Variants in ABCA13 observed in about 807,000 individuals in gnomAD.
ABCA13 encodes the protein ATP binding cassette subfamily A member 13, also known as ATP-binding cassette sub-family A member 13.
Under a neutral mutation model 478.7 loss-of-function variants are expected in ABCA13, and 476 were observed. That is an observed-to-expected ratio of 0.99 (90% CI 0.92 to 1.07). The LOEUF is 1.07. ABCA13 is among the 50% of genes least tolerant of loss of function. The probability of loss-of-function intolerance (pLI) is 0.00; values close to 1 mark genes in which losing one functional copy is unlikely to be tolerated. For synonymous variants in ABCA13, 2,252 were observed against 2,158.9 expected, an observed-to-expected ratio of 1.04 and a Z score of -1.20; for missense variants, 6,060 against 5,910.6, an observed-to-expected ratio of 1.03 and a Z score of -0.83.
chr7:48,227,469 T>TTTTTACC, intron 6 of ABCA13, 44 bp downstream of exon 6: 5 of 1,583,676 alleles, frequency 3.2e-6, no homozygotes, highest in Non-Finnish European at 3.4e-6. Flanking sequence ...ATATGTTGTT[T>TTTTTACC]TTTTACCTTA....
intron 48 of ABCA13, among the ~76,000 whole-genome samples, chr7:48,492,980 C>T (rs941808090): frequency 1.1e-4 from 17 of 152,084 alleles, no homozygotes; most frequent in African/African-American, 3.4e-4. Context: ...GAGCTAATAT[C>T]ACTGCACTCC....
At chr7:48,573,929 T>C (rs1787917556) in intron 55 of ABCA13, among the ~76,000 whole-genome samples, 4 of 152,098 alleles carry the variant, frequency 2.6e-5, no homozygotes, top group Admixed American at 2.0e-4. Flanking sequence ...TCTCTGTGTG[T>C]TTATATAGTC....
chr7:48,182,966 C>T (rs1418737217), intron 1 of ABCA13, among the ~76,000 whole-genome samples: 16 of 152,158 alleles, frequency 1.1e-4, no homozygotes, highest in African/African-American at 3.6e-4. Flanking sequence ...GGGAAAGTCC[C>T]CTCTTTTGAG....
At chr7:48,381,546 G>A (rs924411586) in intron 35 of ABCA13, among the ~76,000 whole-genome samples, 2 of 151,970 alleles carry the variant, frequency 1.3e-5, no homozygotes, top group African/African-American at 2.4e-5. Context: ...CCTGGCCTGC[G>A]GGGCTCAGCG....
intron 45 of ABCA13, among the ~76,000 whole-genome samples, chr7:48,475,614 C>A (rs770956748): frequency 1.3e-5 from 2 of 151,694 alleles, no homozygotes; most frequent in Non-Finnish European, 2.9e-5. Flanking sequence ...TACAGGCATG[C>A]GCCACTGTGC....
chr7:48,488,897 A>G (rs775407956), intron 47 of ABCA13, among the ~76,000 whole-genome samples: 1 of 152,148 alleles, frequency 6.6e-6, no homozygotes, highest in Non-Finnish European at 1.5e-5. Context: ...TTTAATTTGC[A>G]GGTCAAATTT....
In ABCA13 at chr7:48,433,866, G is replaced by A. The variant is rs189928441; in HGVS notation, c.12565+5995G>A. 8.2e-4 allele frequency among the ~76,000 whole-genome samples: 124 copies of A among 152,070 alleles called. 1 individual carries two copies. Among genetic ancestry groups the A allele is most frequent in the African/African-American group, 2.8e-3 (115 of 41,488 alleles). On this transcript the variant is annotated intron_variant, in intron 42 of 61. Coordinates refer to ENST00000435803, the MANE Select transcript of ABCA13 (RefSeq NM_152701.5). ...TGACAGAAATTCATTCTTTTATAAGGCTGAATAATATTCCATTATATGTAT... is the reference window on the plus strand; with the variant it reads ...TGACAGAAATTCATTCTTTTATAAGACTGAATAATATTCCATTATATGTAT...
chr7:48,228,540 A>C (rs1014586770), intron 6 of ABCA13, among the ~76,000 whole-genome samples: 2 of 152,142 alleles, frequency 1.3e-5, no homozygotes, highest in African/African-American at 4.8e-5. Flanking sequence ...ACCTATGTGC[A>C]CTGAGGCCCC....
Position 48,198,270 on chromosome 7 carries a change from G to A in ABCA13, c.197G>A (p.Gly66Asp), listed in dbSNP as rs74790141. ...CAGCCCCGAGATCTACCCAGCTGTG[G>A]TGTTATCCCCTTTGTTCAAAGCCTT... ...YLQPRDLPSC[G>D]VIPFVQSLLC... Residue 66 changes from glycine to aspartate, a missense_variant, in exon 3 of 62, where the codon GGT becomes GAT. Physicochemically the swap from Gly to Asp is moderately conservative, Grantham distance 94. Transcript: ENST00000435803. 44 of 1,613,578 alleles carry A rather than the reference G, an allele frequency of 2.7e-5. No homozygotes were observed. Among genetic ancestry groups the A allele is most frequent in the South Asian group, 9.9e-5 (9 of 90,934 alleles).
At chr7:48,450,461 C>T (rs1488382249) in intron 42 of ABCA13, among the ~76,000 whole-genome samples, 2 of 152,148 alleles carry the variant, frequency 1.3e-5, no homozygotes, top group East Asian at 3.8e-4. Flanking sequence ...CTTATACCAC[C>T]TTCGCTTTTT....
chr7:48,363,007 A>G (rs943421511), intron 31 of ABCA13, among the ~76,000 whole-genome samples: 1 of 152,106 alleles, frequency 6.6e-6, no homozygotes, highest in Non-Finnish European at 1.5e-5. Flanking sequence ...TAGCATTTCC[A>G]ATCTGTCTTG....
chr7:48,486,224 C>T (rs1433872005), intron 47 of ABCA13, among the ~76,000 whole-genome samples: 1 of 152,168 alleles, frequency 6.6e-6, no homozygotes, highest in Non-Finnish European at 1.5e-5. Flanking sequence ...CCCTGTGTCT[C>T]CCTGAGAGAG....
intron 38 of ABCA13, 109 bp downstream of exon 38, chr7:48,392,248 A>T: frequency 9.5e-7 from 1 of 1,048,518 alleles, no homozygotes; most frequent in Non-Finnish European, 1.4e-6. Context: ...CATTTATAAG[A>T]TGAAATAATT....
intron 58 of ABCA13, among the ~76,000 whole-genome samples, chr7:48,595,461 A>C (rs1186038205): frequency 6.6e-6 from 1 of 152,376 alleles, no homozygotes; most frequent in Admixed American, 6.5e-5. Flanking sequence ...TAAGTAAAAT[A>C]TACTGTGAAT....
intron 26 of ABCA13, among the ~76,000 whole-genome samples, chr7:48,314,785 G>A: frequency 6.6e-6 from 1 of 152,120 alleles, no homozygotes; most frequent in East Asian, 1.9e-4. Context: ...CTTGTCTGTG[G>A]CCACCTCCAA....
At chr7:48,381,810 G>A (rs948671553) in intron 35 of ABCA13, among the ~76,000 whole-genome samples, 2 of 152,168 alleles carry the variant, frequency 1.3e-5, no homozygotes, top group East Asian at 3.9e-4. Context: ...GAGGGCCTTT[G>A]CACATATTAA....
chr7:48,183,018 A>G (rs966436325), intron 1 of ABCA13, among the ~76,000 whole-genome samples: 4 of 152,184 alleles, frequency 2.6e-5, no homozygotes, highest in East Asian at 1.9e-4. Context: ...AAGAGACACA[A>G]TAGAATTTCA....
At chr7:48,227,579 G>A (rs1021303919) in intron 6 of ABCA13, 154 bp downstream of exon 6, 33 of 842,840 alleles carry the variant, frequency 3.9e-5, no homozygotes, top group East Asian at 8.0e-5. Context: ...CTCCACGAAC[G>A]TCCCTCATCT....
In ABCA13 at chr7:48,631,102, T is replaced by C. The variant is rs539219625; in HGVS notation, c.14838-12186T>C. On this transcript the variant is annotated intron_variant, in intron 59 of 61. Transcript: ENST00000435803. ...ATATTTTCTCTCATTCTGTGGGTTGTCTTTTTATTTTTAACTCTGTTGATA... is the reference window on the plus strand; with the variant it reads ...ATATTTTCTCTCATTCTGTGGGTTGCCTTTTTATTTTTAACTCTGTTGATA... Among the ~76,000 whole-genome samples, 86 of 152,120 alleles carry C rather than the reference T, an allele frequency of 5.7e-4. 1 individual carries two copies. Among genetic ancestry groups the C allele is most frequent in the African/African-American group, 2.0e-3 (85 of 41,558 alleles).
Sources: allele counts gnomAD v4.1 joint callset (sites outside exome capture counted in the v4.1 genomes callset), GRCh38; gene constraint gnomAD v4.1.1; transcripts MANE v1.5; gene names NCBI Gene and HGNC (gene_info 2026-07-23, HGNC 2026-07-21).